Variants in IMPACT observed in about 807,000 individuals in gnomAD.
IMPACT encodes the protein impact RWD domain protein.
Under a neutral mutation model 47.5 loss-of-function variants are expected in IMPACT, and 35 were observed. That is an observed-to-expected ratio of 0.74 (90% confidence interval 0.56 to 0.98). IMPACT has a LOEUF of 0.98. IMPACT is among the 50% of genes least tolerant of loss of function. IMPACT has a pLI of 0.00. For missense variants in IMPACT, 373 were observed against 394.8 expected, an observed-to-expected ratio of 0.94 and a Z score of 0.47; for synonymous variants, 118 against 125.6, an observed-to-expected ratio of 0.94 and a Z score of 0.40.
At position 24,443,291 on chromosome 18, in the gene IMPACT, A is replaced by G. The variant is rs537254028; in HGVS notation, c.594+139A>G. 43 of 472,432 alleles carry G rather than the reference A, an allele frequency of 9.1e-5. 2 individuals carry two copies. The South Asian group carries it at 1.4e-3, about 15-fold the overall frequency. 29.3% of individuals were successfully genotyped at this position (472,432 alleles called of 1,614,324 possible). On this transcript the variant is annotated intron_variant, in intron 7 of 10. Transcript: ENST00000284202. Reference sequence around the variant, plus strand: ...ATTATTTGTTCATTTTTCTACTCCCAAATTACTGTGAATCACGGAAGATTT... The same window carrying G: ...ATTATTTGTTCATTTTTCTACTCCCGAATTACTGTGAATCACGGAAGATTT...
rs1064620 is a variant in IMPACT, at chr18:24,452,816, T to A, written c.*1969T>A. The A allele has an allele frequency of 6.6e-6, 1 of 152,186 alleles. No individual in the cohort carries two copies. The highest frequency in any genetic ancestry group is 1.9e-4 in the East Asian group (1 of 5,198). The allele number at this position is 152,186 out of a possible 1,614,324, so 9.4% of individuals were successfully genotyped here. A position where few individuals can be genotyped will look rare whatever the true frequency, so the allele number is the denominator to read the frequency against. On this transcript the variant is annotated 3_prime_UTR_variant, in exon 11 of 11. Coordinates refer to ENST00000284202, the MANE Select transcript of IMPACT (RefSeq NM_018439.4). ...TTATTTAAAAATTTTTTTTTAGAGA[T>A]GAGTTCTTGCTCTGTCACCTAGGCT...
At chr18:24,450,430 T>G (rs981061591) in intron 10 of IMPACT, among the ~76,000 whole-genome samples, 1 of 152,208 alleles carries the variant, frequency 6.6e-6, no homozygotes, top group Non-Finnish European at 1.5e-5. Context: ...GTTTTATATT[T>G]TAGGTATGTT....
At chr18:24,441,692 A>G (rs1909118442) in intron 6 of IMPACT, among the ~76,000 whole-genome samples, 1 of 152,148 alleles carries the variant, frequency 6.6e-6, no homozygotes, top group African/African-American at 2.4e-5. Flanking sequence ...AGTAGCTTTT[A>G]AAAGGTGCTC....
intron 8 of IMPACT, among the ~76,000 whole-genome samples, chr18:24,447,712 C>T (rs1169588292): frequency 6.6e-6 from 1 of 152,078 alleles, no homozygotes; most frequent in Non-Finnish European, 1.5e-5. Context: ...CACTTACTTC[C>T]TTTATAATAT....
At chr18:24,436,327 C>T (rs186625080) in intron 4 of IMPACT, among the ~76,000 whole-genome samples, 92 of 152,182 alleles carry the variant, frequency 6.0e-4, no homozygotes, top group African/African-American at 2.1e-3. Flanking sequence ...TCACTTCAGC[C>T]TCCAAACTTC....
chr18:24,436,682 G>A (rs1016668863), intron 4 of IMPACT, among the ~76,000 whole-genome samples: 1 of 151,926 alleles, frequency 6.6e-6, no homozygotes, highest in African/African-American at 2.4e-5. Context: ...CTGAGTAGCT[G>A]GTATTACAGG....
chr18:24,427,998 T>G lies in IMPACT; in HGVS notation c.116T>G (p.Ile39Ser), dbSNP rs757041993. The change falls in exon 2 of 11, where the codon ATT becomes AGT. Residue 39 changes from isoleucine (I) to serine (S), a missense_variant. Ile to Ser is a moderately radical substitution (Grantham distance 142, BLOSUM62 -2). Transcript: ENST00000284202. ...GATGACTGTGCCAAAATATTTTGTA[T>G]TAGAATTAGCGACGATATAGATGAC... Reference protein sequence around the residue: ...VIDDCAKIFCIRISDDIDDPK... With the variant: ...VIDDCAKIFCSRISDDIDDPK... 2 of 1,601,300 alleles carry G rather than the reference T, an allele frequency of 1.2e-6. No homozygotes were observed.
chr18:24,445,084 G>T (rs1909214120), intron 7 of IMPACT, among the ~76,000 whole-genome samples: 1 of 152,198 alleles, frequency 6.6e-6, no homozygotes, highest in Non-Finnish European at 1.5e-5. Flanking sequence ...CTAGTTTTTA[G>T]AAGTTTTATA....
intron 4 of IMPACT, among the ~76,000 whole-genome samples, chr18:24,433,654 T>G (rs1908824343): frequency 1.3e-5 from 2 of 148,534 alleles, no homozygotes; most frequent in African/African-American, 2.5e-5. Context: ...TTAAAACTTT[T>G]GTGTGACAGC....
chr18:24,433,114 A>G (rs1281068884), intron 4 of IMPACT, among the ~76,000 whole-genome samples: 2 of 151,778 alleles, frequency 1.3e-5, no homozygotes, highest in Non-Finnish European at 2.9e-5. Context: ...ATGCGCTCGA[A>G]TAACCTTGGT....
At chr18:24,439,037 T>TG (rs1253316979) in intron 5 of IMPACT, among the ~76,000 whole-genome samples, 2 of 152,120 alleles carry the variant, frequency 1.3e-5, no homozygotes, top group Non-Finnish European at 2.9e-5. Context: ...GAATGAATGT[T>TG]GCGGTTTGAA....
Position 24,449,868 on chromosome 18 carries a change from G to A in IMPACT, c.809G>A (p.Gly270Glu). 1 of 1,612,954 alleles carries A rather than the reference G, an allele frequency of 6.2e-7. No homozygotes were observed. The highest frequency in any genetic ancestry group is 8.5e-7 in the Non-Finnish European group (1 of 1,179,284). Residue 270 changes from glycine to glutamate, a missense_variant, in exon 10 of 11, where the codon GGG (glycine) becomes GAG (glutamate). By Grantham distance (98) the Gly-to-Glu change is moderately conservative. Coordinates refer to ENST00000284202, the MANE Select transcript of IMPACT (RefSeq NM_018439.4). ...GTGGTAGTATCACGCTGGTATGGAG[G>A]GATTCTGCTAGGACCAGATCGCTTT... ...VMVVVSRWYGGILLGPDRFKH... is the reference protein window; with the variant it reads ...VMVVVSRWYGEILLGPDRFKH...
In IMPACT at chr18:24,443,017, T is replaced by C. The variant is rs763276927; in HGVS notation, c.491-32T>C. On this transcript the variant is annotated intron_variant, in intron 6 of 10. Transcript: ENST00000284202. ...TTTTCAGTATTTGAATGTAAGGCTTTTTAAAAAATAAAGTTTCTTTTACAT... is the reference window on the plus strand; with the variant it reads ...TTTTCAGTATTTGAATGTAAGGCTTCTTAAAAAATAAAGTTTCTTTTACAT... 9 of 1,233,366 alleles carry C rather than the reference T, an allele frequency of 7.3e-6. No individual in the cohort carries two copies. The East Asian group carries it at 2.2e-4, about 30-fold the overall frequency. The allele number at this position is 1,233,366 out of a possible 1,614,324, so 76.4% of individuals were successfully genotyped here. A position where few individuals can be genotyped will look rare whatever the true frequency, so the allele number is the denominator to read the frequency against.
At chr18:24,426,867 A>C in intron 1 of IMPACT, 75 bp downstream of exon 1, 3 of 1,087,232 alleles carry the variant, frequency 2.8e-6, no homozygotes, top group Non-Finnish European at 3.5e-6. Context: ...TCCTCAGCCG[A>C]GGGGCCCTCC....
chr18:24,444,965 C>T (rs1269700864), intron 7 of IMPACT, among the ~76,000 whole-genome samples: 2 of 152,164 alleles, frequency 1.3e-5, no homozygotes, highest in East Asian at 3.8e-4. Flanking sequence ...GTGACCTCCT[C>T]TATGAACCTT....
intron 3 of IMPACT, 122 bp downstream of exon 3, chr18:24,429,043 A>G: frequency 1.7e-6 from 1 of 604,650 alleles, no homozygotes. Flanking sequence ...AATTAAAAAT[A>G]CCTTTTGGGT....
rs1325365296 is a variant in IMPACT at position 24,451,846 on chromosome 18, G to T, written c.*999G>T. On this transcript the variant is annotated 3_prime_UTR_variant, in exon 11 of 11. Transcript: ENST00000284202. ...TTCCAAGATTTTGCAGAGAGAAGGA[G>T]CAAACCTTTTCATTGGAAAAACAGA... 1.3e-5 allele frequency: 2 copies of T among 152,112 alleles called. No homozygotes were observed. The highest frequency in any genetic ancestry group is 2.9e-5 in the Non-Finnish European group (2 of 68,026). 9.4% of individuals were successfully genotyped at this position (152,112 alleles called of 1,614,324 possible). A position where few individuals can be genotyped will look rare whatever the true frequency, so the allele number is the denominator to read the frequency against.
intron 5 of IMPACT, 69 bp from the exon 6 acceptor site, chr18:24,440,427 G>T: frequency 6.5e-7 from 1 of 1,543,542 alleles, no homozygotes; most frequent in Non-Finnish European, 8.8e-7. Context: ...CCAAGACCCA[G>T]TGATTTTTTT....
At chr18:24,436,324 A>G (rs1908940722) in intron 4 of IMPACT, among the ~76,000 whole-genome samples, 2 of 152,034 alleles carry the variant, frequency 1.3e-5, no homozygotes, top group South Asian at 4.1e-4. Flanking sequence ...AGCTCACTTC[A>G]GCCTCCAAAC....
Sources: allele counts gnomAD v4.1 joint callset (sites outside exome capture counted in the v4.1 genomes callset), GRCh38; gene constraint gnomAD v4.1.1; transcripts MANE v1.5; gene names NCBI Gene and HGNC (gene_info 2026-07-23, HGNC 2026-07-21).